The following FMN1 variants were observed in gnomAD, a reference collection of about 807,000 sequenced individuals.
FMN1 encodes the protein formin 1, also known as formin-1.
FMN1 carries 110 observed loss-of-function variants against 132.4 expected under a neutral mutation model. The observed-to-expected ratio is 0.83, with a 90% CI of 0.71 to 0.97. The LOEUF (loss-of-function observed/expected upper bound fraction) is 0.97. Ranked by LOEUF, FMN1 falls within the 50% of genes least tolerant of loss-of-function variation. FMN1 has a pLI of 0.00. For missense variants in FMN1, 1,792 were observed against 1,705.3 expected (o/e 1.05, Z -0.90); for synonymous variants, 722 against 651.7 (o/e 1.11, Z -1.64).
At chr15:32,848,975 T>TGG (rs2058929045) in intron 17 of FMN1, among the ~76,000 whole-genome samples, 4 of 104,852 alleles carry the variant, frequency 3.8e-5, no homozygotes, top group African/African-American at 2.1e-4. Context: ...TAGTTCTCTT[T>TGG]TGTTTTTTTT....
intron 4 of FMN1, among the ~76,000 whole-genome samples, chr15:33,121,836 TTTG>T (rs1962588312): frequency 7.1e-6 from 1 of 141,536 alleles, no homozygotes; most frequent in African/African-American, 2.5e-5. Context: ...CGGCCAAATT[TTTG>T]TTTTTCTGTT....
At chr15:32,989,184 T>C (rs995721997) in intron 7 of FMN1, among the ~76,000 whole-genome samples, 9 of 152,216 alleles carry the variant, frequency 5.9e-5, no homozygotes, top group Non-Finnish European at 1.5e-5. Context: ...TATAGACTAA[T>C]GCATTACTGT....
intron 17 of FMN1, among the ~76,000 whole-genome samples, chr15:32,845,838 T>C (rs16959774): frequency 0.012 from 1,878 of 152,294 alleles, 33 homozygotes; most frequent in African/African-American, 0.042. Context: ...ATGCCTTAAA[T>C]GTAACACATT....
chr15:32,855,066 G>C (rs2059096660), intron 17 of FMN1, among the ~76,000 whole-genome samples: 1 of 149,506 alleles, frequency 6.7e-6, no homozygotes, highest in African/African-American at 2.5e-5. Context: ...CCTATAGCAG[G>C]CTCAGAATAA....
intron 5 of FMN1, chr15:33,066,950 T>C (rs1595392508): frequency 5.0e-6 from 8 of 1,613,966 alleles, no homozygotes; most frequent in Non-Finnish European, 5.9e-6. Flanking sequence ...CTGCACAGGC[T>C]GCGTCAATTT....
intron 3 of FMN1, among the ~76,000 whole-genome samples, chr15:33,177,085 G>A (rs1486877968): frequency 6.6e-6 from 1 of 152,228 alleles, no homozygotes; most frequent in South Asian, 2.1e-4. Context: ...AAAAGCCTGT[G>A]AAGTAGGTAC....
At position 33,154,349 on chromosome 15, in the gene FMN1, G is replaced by T. The variant is rs1346354462; in HGVS notation, c.566C>A (p.Pro189His). The T allele has an allele frequency of 1.3e-6, 2 of 1,536,054 alleles. No individual in the cohort carries two copies. Among genetic ancestry groups the T allele is most frequent in the African/African-American group, 2.7e-5 (2 of 73,036 alleles). ...RKGRGGRESAPLMGKDKICSS... is the reference protein window; with the variant it reads ...RKGRGGRESAHLMGKDKICSS... Reference sequence around the variant, plus strand: ...ACAGATCTTGTCCTTGCCCATCAGAGGAGCTGATTCTCGGCCTCCACGCCC... The same window carrying T: ...ACAGATCTTGTCCTTGCCCATCAGATGAGCTGATTCTCGGCCTCCACGCCC... The change falls in exon 4 of 21, where the codon CCT (proline) becomes CAT (histidine). Residue 189 changes from proline (P) to histidine (H), a missense_variant. By Grantham distance (77) the Pro-to-His change is moderately conservative. This residue lies in a region of FMN1 where 638 missense variants were observed against 645.2 expected (regional missense o/e 0.99). Transcript: ENST00000616417.
At chr15:33,066,936 A>C in intron 5 of FMN1, 1 of 1,613,852 alleles carries the variant, frequency 6.2e-7, no homozygotes, top group Non-Finnish European at 8.5e-7. Flanking sequence ...TGCACTAAGG[A>C]CTTCTGCACA....
At chr15:33,119,077 CT>C (rs556391506) in intron 4 of FMN1, among the ~76,000 whole-genome samples, 62 of 152,154 alleles carry the variant, frequency 4.1e-4, no homozygotes, top group Non-Finnish European at 8.1e-4. Flanking sequence ...AAAACAATGA[CT>C]TTTCAGCTAG....
chr15:32,884,817 G>A (rs113085750), intron 16 of FMN1, among the ~76,000 whole-genome samples: 5,615 of 152,292 alleles, frequency 0.037, 158 homozygotes, highest in Non-Finnish European at 0.049. Context: ...CAAGAACTTG[G>A]TTCTCTCTTT....
At chr15:33,094,917 A>C (rs377013562) in intron 4 of FMN1, among the ~76,000 whole-genome samples, 2 of 152,210 alleles carry the variant, frequency 1.3e-5, no homozygotes, top group Non-Finnish European at 2.9e-5. Flanking sequence ...AAGATCAAGG[A>C]AAGAACAAAT....
chr15:32,955,914 T>C (rs940443513), intron 9 of FMN1, among the ~76,000 whole-genome samples: 13 of 152,218 alleles, frequency 8.5e-5, no homozygotes, highest in African/African-American at 3.1e-4. Flanking sequence ...CATATATTTT[T>C]ATACTGCAAT....
intron 4 of FMN1, among the ~76,000 whole-genome samples, chr15:33,131,141 CCAAATACAAAAAATTACAAAAAATA>C (rs1963526767): frequency 1.3e-5 from 2 of 151,654 alleles, no homozygotes; most frequent in South Asian, 2.1e-4. Context: ...ACCAGCCTGG[CCAAATACAAAAAATTACAAAAAATA>C]CAAATACAAA....
At chr15:33,024,690 A>AT (rs1327922213) in intron 6 of FMN1, among the ~76,000 whole-genome samples, 1 of 152,256 alleles carries the variant, frequency 6.6e-6, no homozygotes. Flanking sequence ...AAAGGCGCAC[A>AT]TAAGTAAAAT....
chr15:32,864,998 A>C (rs914070133), intron 16 of FMN1, among the ~76,000 whole-genome samples: 7 of 152,218 alleles, frequency 4.6e-5, no homozygotes, highest in Admixed American at 4.6e-4. Context: ...AAGAAAAGCC[A>C]ATCACAAGAG....
Position 32,773,131 on chromosome 15 carries a change from G to A in FMN1, c.*1179C>T, listed in dbSNP as rs529672591. ...GAGAGGTCAAAGGTGGTTTCCTTAT[G>A]TGACTCAAGAGCCAGGGTCAGAAAG... On this transcript the variant is annotated 3_prime_UTR_variant, in exon 21 of 21. Coordinates refer to ENST00000616417, the MANE Select transcript of FMN1 (RefSeq NM_001277313.2). The A allele has an allele frequency of 1.3e-5, 2 of 152,362 alleles. No homozygotes were observed. The highest frequency in any genetic ancestry group is 4.8e-5 in the African/African-American group (2 of 41,574). 9.4% of individuals were successfully genotyped at this position (152,362 alleles called of 1,614,324 possible). A position where few individuals can be genotyped will look rare whatever the true frequency, so the allele number is the denominator to read the frequency against.
At chr15:33,139,323 A>G (rs1475788917) in intron 4 of FMN1, among the ~76,000 whole-genome samples, 2 of 152,180 alleles carry the variant, frequency 1.3e-5, no homozygotes, top group Non-Finnish European at 2.9e-5. Context: ...TTGGCCGGGC[A>G]CGGTGGCGCA....
At position 33,127,830 on chromosome 15, in the gene FMN1, G is replaced by A. The variant is rs186820323; in HGVS notation, c.1867+25218C>T. Among the ~76,000 whole-genome samples, 633 of 152,296 alleles carry A rather than the reference G, an allele frequency of 4.2e-3. 5 individuals are homozygous for A. The highest frequency in any genetic ancestry group is 0.014 in the African/African-American group (579 of 41,574). On this transcript the variant is annotated intron_variant, in intron 4 of 20. Transcript: ENST00000616417. ...CAAGATCTCATTCCTCAGTCTCCCT[G>A]AAAAATTCTGTTGGTAAGAGAGAAG...
chr15:32,964,306 A>G, intron 8 of FMN1, 49 bp from the exon 9 acceptor site: 1 of 1,252,938 alleles, frequency 8.0e-7, no homozygotes, highest in Non-Finnish European at 1.1e-6. Flanking sequence ...AACAGGAAGG[A>G]ATGTAATACA....
Sources: allele counts gnomAD v4.1 joint callset (sites outside exome capture counted in the v4.1 genomes callset), GRCh38; gene constraint gnomAD v4.1.1; regional missense constraint gnomAD v4.1.1; transcripts MANE v1.5; gene names NCBI Gene and HGNC (gene_info 2026-07-23, HGNC 2026-07-21).